The following CMIP variants were observed in gnomAD, a reference collection of about 807,000 sequenced individuals.
CMIP encodes the protein C-Maf-inducing protein.
Under a neutral mutation model 97.3 loss-of-function variants are expected in CMIP, and 13 were observed. The ratio of observed to expected loss-of-function variants is 0.13; its 90% CI spans 0.09 to 0.21. CMIP has a LOEUF of 0.21. Ranked by LOEUF, CMIP falls within the 10% of genes least tolerant of loss-of-function variation. The pLI, the probability that CMIP is intolerant of heterozygous loss-of-function variation, is 1.00. For synonymous variants in CMIP, 538 were observed against 436.3 expected, an observed-to-expected ratio of 1.23 and a Z score of -2.91; for missense variants, 847 against 1,024.9, an observed-to-expected ratio of 0.83 and a Z score of 2.37.
intron 1 of CMIP, among the ~76,000 whole-genome samples, chr16:81,448,729 G>A (rs559722604): frequency 9.8e-5 from 15 of 152,356 alleles, no homozygotes; most frequent in Admixed American, 7.2e-4. Context: ...CGAAATGCTC[G>A]TAAACAAAGG....
intron 1 of CMIP, among the ~76,000 whole-genome samples, chr16:81,517,470 T>G (rs1032841149): frequency 1.8e-4 from 27 of 152,246 alleles, no homozygotes; most frequent in African/African-American, 6.5e-4. Context: ...AAGGTATTTT[T>G]TAATATGTAT....
intron 1 of CMIP, among the ~76,000 whole-genome samples, chr16:81,502,225 A>G (rs1201996987): frequency 6.6e-6 from 1 of 152,232 alleles, no homozygotes; most frequent in Non-Finnish European, 1.5e-5. Context: ...GTTGCAGCAT[A>G]ACAAGGATTA....
At chr16:81,537,263 G>A (rs534460322) in intron 1 of CMIP, among the ~76,000 whole-genome samples, 4 of 152,200 alleles carry the variant, frequency 2.6e-5, no homozygotes, top group East Asian at 1.9e-4. Context: ...GGCTGGGGGC[G>A]GTGGCTCACA....
At chr16:81,708,809 G>A (rs1324919089) in intron 20 of CMIP, among the ~76,000 whole-genome samples, 2 of 152,246 alleles carry the variant, frequency 1.3e-5, no homozygotes, top group Non-Finnish European at 2.9e-5. Flanking sequence ...GTCCCCACCT[G>A]TAACCTCTGC....
intron 1 of CMIP, among the ~76,000 whole-genome samples, chr16:81,602,233 A>G (rs1053391011): frequency 9.9e-5 from 15 of 151,778 alleles, no homozygotes; most frequent in Non-Finnish European, 8.8e-5. Flanking sequence ...AGGGACATCT[A>G]TGTGCGATAA....
intron 9 of CMIP, among the ~76,000 whole-genome samples, chr16:81,674,990 AG>A (rs1422012049): frequency 3.3e-5 from 5 of 151,668 alleles, no homozygotes; most frequent in Non-Finnish European, 7.4e-5. Flanking sequence ...AAGAAAGAAA[AG>A]GGTGCCCAGG....
At chr16:81,584,982 C>G (rs1433604540) in intron 1 of CMIP, among the ~76,000 whole-genome samples, 1 of 152,204 alleles carries the variant, frequency 6.6e-6, no homozygotes, top group Non-Finnish European at 1.5e-5. Flanking sequence ...TCTTAGAATT[C>G]ATTGCATTCG....
chr16:81,481,687 T>C (rs755274447), intron 1 of CMIP, among the ~76,000 whole-genome samples: 7 of 152,162 alleles, frequency 4.6e-5, no homozygotes, highest in Non-Finnish European at 1.0e-4. Context: ...CTTACAGTTC[T>C]GGAGGTCAGA....
At chr16:81,573,959 C>T (rs143879873) in intron 1 of CMIP, among the ~76,000 whole-genome samples, 344 of 152,090 alleles carry the variant, frequency 2.3e-3, no homozygotes, top group Non-Finnish European at 4.3e-3. Context: ...CTTTTGGGGG[C>T]GCCATTTAAC....
chr16:81,446,602 C>T (rs1905861334), intron 1 of CMIP, among the ~76,000 whole-genome samples: 1 of 152,126 alleles, frequency 6.6e-6, no homozygotes, highest in African/African-American at 2.4e-5. Flanking sequence ...CTGGGGCCAC[C>T]GTGATCCTGT....
intron 3 of CMIP, among the ~76,000 whole-genome samples, chr16:81,640,299 C>T (rs1200466070): frequency 2.3e-5 from 3 of 132,674 alleles, no homozygotes; most frequent in Admixed American, 7.7e-5. Context: ...CCCCCCCCCC[C>T]AATTCCCCAG....
chr16:81,477,509 G>T (rs1190160316), intron 1 of CMIP, among the ~76,000 whole-genome samples: 1 of 152,210 alleles, frequency 6.6e-6, no homozygotes, highest in African/African-American at 2.4e-5. Flanking sequence ...TGTGCATCCA[G>T]GTCCCCTCCT....
At chr16:81,612,345 G>A (rs895300330) in intron 2 of CMIP, among the ~76,000 whole-genome samples, 6 of 152,284 alleles carry the variant, frequency 3.9e-5, no homozygotes, top group Admixed American at 1.3e-4. Context: ...GATGGGTTCC[G>A]GGACTCGGCT....
chr16:81,593,406 C>T (rs1176395396), intron 1 of CMIP, among the ~76,000 whole-genome samples: 1 of 152,156 alleles, frequency 6.6e-6, no homozygotes, highest in Non-Finnish European at 1.5e-5. Context: ...TTCTGCTCTG[C>T]AGCCCTGTGA....
At chr16:81,609,346 A>T (rs1709515415) in intron 2 of CMIP, among the ~76,000 whole-genome samples, 1 of 152,162 alleles carries the variant, frequency 6.6e-6, no homozygotes, top group Non-Finnish European at 1.5e-5. Flanking sequence ...CACAGAGTCC[A>T]TGAAGGGGGT....
At chr16:81,674,981 A>C (rs1227633035) in intron 9 of CMIP, among the ~76,000 whole-genome samples, 1 of 152,222 alleles carries the variant, frequency 6.6e-6, no homozygotes, top group Non-Finnish European at 1.5e-5. Flanking sequence ...AAAGAAAGAA[A>C]GAAAGAAAAG....
At chr16:81,586,633 T>C (rs568626434) in intron 1 of CMIP, among the ~76,000 whole-genome samples, 2 of 152,254 alleles carry the variant, frequency 1.3e-5, no homozygotes, top group South Asian at 4.2e-4. Flanking sequence ...AACTTCTCTC[T>C]CTCTGCCCAA....
intron 1 of CMIP, among the ~76,000 whole-genome samples, chr16:81,450,181 AG>A (rs1906121760): frequency 6.6e-6 from 1 of 152,236 alleles, no homozygotes; most frequent in South Asian, 2.1e-4. Flanking sequence ...GCTGCCAGCC[AG>A]GACTGACTCG....
chr16:81,626,107 T>A (rs1247842864), intron 3 of CMIP, among the ~76,000 whole-genome samples: 1 of 152,186 alleles, frequency 6.6e-6, no homozygotes, highest in African/African-American at 2.4e-5. Context: ...CCCCCTAGGG[T>A]GGCCACAGCC....
Sources: gnomAD v4.1 joint callset for allele counts (sites outside exome capture counted in the v4.1 genomes callset) on GRCh38, gnomAD v4.1.1 for gene constraint, MANE v1.5 for transcripts, NCBI Gene and HGNC (gene_info 2026-07-23, HGNC 2026-07-21) for gene names.